UPK2: variants seen among roughly 807,000 people sequenced by gnomAD.
The protein encoded by UPK2 is uroplakin 2.
A neutral mutation model predicts 14.8 loss-of-function variants in UPK2; 19 were observed. That is an observed-to-expected ratio of 1.29 (90% CI 0.90 to 1.89). UPK2 has a LOEUF of 1.89. Ranked by LOEUF, UPK2 falls within the 40% of genes most tolerant of loss-of-function variation. UPK2 has a pLI of 0.00. For missense variants in UPK2, 232 were observed against 236.0 expected (o/e 0.98, Z 0.11); for synonymous variants, 102 against 101.6 (o/e 1.00, Z -0.02).
intron 2 of UPK2, 59 bp downstream of exon 2, chr11:118,957,073 C>T: frequency 1.9e-6 from 3 of 1,608,874 alleles, no homozygotes; most frequent in South Asian, 1.1e-5. Context: ...CCTGCGACAC[C>T]CTCTGCACCC....
At chr11:118,957,174 G>T in intron 2 of UPK2, 34 bp from the exon 3 acceptor site, 2 of 1,613,648 alleles carry the variant, frequency 1.2e-6, no homozygotes, top group South Asian at 2.2e-5. Flanking sequence ...CCAGAAACTT[G>T]ACCCAGTCTT....
chr11:118,956,417 G>A lies in UPK2; in HGVS notation c.67G>A (p.Gly23Arg). Residue 23 changes from glycine (G) to arginine (R), a missense_variant, in exon 1 of 5, where the codon GGG becomes AGG. Coordinates refer to ENST00000264031, the MANE Select transcript of UPK2 (RefSeq NM_006760.4). The surrounding 1 kb of genome is among the most constrained non-coding windows in gnomAD (Gnocchi z 4.1). ...GATTCTGCTGGCTCTGCTGTCCCCAGGGGCTGCAGGTCTCTTCCATCTCTG... is the reference window on the plus strand; with the variant it reads ...GATTCTGCTGGCTCTGCTGTCCCCAAGGGCTGCAGGTCTCTTCCATCTCTG... The part of the protein sequence containing the change: ...ILILLALLSP[G>R]AADFNISSLS... 2.5e-6 allele frequency: 4 copies of A among 1,608,612 alleles called. No homozygotes were observed. Among genetic ancestry groups the A allele is most frequent in the Non-Finnish European group, 3.4e-6 (4 of 1,179,928 alleles).
intron 4 of UPK2, 67 bp downstream of exon 4, chr11:118,957,735 C>G: frequency 1.9e-6 from 3 of 1,587,736 alleles, no homozygotes; most frequent in Non-Finnish European, 2.6e-6. Context: ...CCATTCCTGC[C>G]TCATCCCCAG....
chr11:118,957,988 G>C, intron 4 of UPK2, 109 bp from the exon 5 acceptor site: 1 of 1,479,960 alleles, frequency 6.8e-7, no homozygotes. Context: ...TGGCTGGCTG[G>C]CTGGCTGGTT....
Position 118,957,314 on chromosome 11 carries a change from G to A in UPK2, c.315G>A (p.Gln105=). 6.2e-7 allele frequency: 1 copy of A among 1,614,116 alleles called. No individual in the cohort carries two copies. The highest frequency in any genetic ancestry group is 8.5e-7 in the Non-Finnish European group (1 of 1,180,026). ...GFTVTRLSAY[Q]VTNLVPGTKF... is the part of the protein sequence containing the mutation. ...CAGTCACTCGGCTCAGTGCATACCAGGTGACAAACCTCGTGCCAGGAACCA... is the reference window on the plus strand; with the variant it reads ...CAGTCACTCGGCTCAGTGCATACCAAGTGACAAACCTCGTGCCAGGAACCA... The change falls in exon 3 of 5, where the codon CAG becomes CAA. Residue 105 remains glutamine, a synonymous_variant. Coordinates refer to ENST00000264031, the MANE Select transcript of UPK2 (RefSeq NM_006760.4).
At position 118,956,877 on chromosome 11, in the gene UPK2, C is replaced by T; in HGVS notation, c.77-6C>T. ...CCCATCGGAGCTCCCTCCTGCCTCC[C>T]ATCAGACTTCAACATCTCAAGCCTC... On this transcript the variant is annotated splice_region_variant and splice_polypyrimidine_tract_variant and intron_variant, in intron 1 of 4. Coordinates refer to ENST00000264031, the MANE Select transcript of UPK2 (RefSeq NM_006760.4). This position sits in a 1 kb window ranked among gnomAD's most constrained non-coding sequence, Gnocchi z 4.1. The T allele has an allele frequency of 6.2e-7, 1 of 1,613,930 alleles. No homozygotes were observed. Among genetic ancestry groups the T allele is most frequent in the Non-Finnish European group, 8.5e-7 (1 of 1,179,944 alleles).
Position 118,958,025 on chromosome 11 carries a change from G to A in UPK2, c.419-72G>A. ...GTTGGGCAGTCTGTTGGCTGGATGA[G>A]TGTGAGGCCGTGAGCCTCAGGCAGG... On this transcript the variant is annotated intron_variant, in intron 4 of 4. Transcript: ENST00000264031. This position sits in a 1 kb window ranked among gnomAD's most constrained non-coding sequence, Gnocchi z 4.6. 1.3e-6 allele frequency: 2 copies of A among 1,548,266 alleles called. No homozygotes were observed. The highest frequency in any genetic ancestry group is 8.7e-7 in the Non-Finnish European group (1 of 1,143,478).
Position 118,957,220 on chromosome 11 carries a change from G to C in UPK2, c.221G>C (p.Ser74Thr), listed in dbSNP as rs768070057. 6.2e-7 allele frequency: 1 copy of C among 1,614,134 alleles called. No individual in the cohort carries two copies. Among genetic ancestry groups the C allele is most frequent in the South Asian group, 1.1e-5 (1 of 91,086 alleles). ...RANDSKVVTSSFVVPPCRGRR... is the reference protein window; with the variant it reads ...RANDSKVVTSTFVVPPCRGRR... ...CACTTCTGCCCAGTGGTGACGTCCA[G>C]CTTTGTGGTGCCTCCGTGCCGTGGG... Residue 74 changes from serine (S) to threonine (T), a missense_variant, in exon 3 of 5, where the codon AGC (serine) becomes ACC (threonine). Coordinates refer to ENST00000264031, the MANE Select transcript of UPK2 (RefSeq NM_006760.4).
Position 118,956,490 on chromosome 11 carries a change from T to A in UPK2, c.76+64T>A, listed in dbSNP as rs1028422344. 1 of 1,402,546 alleles carries A rather than the reference T, an allele frequency of 7.1e-7. No individual in the cohort carries two copies. Among genetic ancestry groups the A allele is most frequent in the Non-Finnish European group, 9.9e-7 (1 of 1,013,582 alleles). The allele number at this position is 1,402,546 out of a possible 1,614,324, so 86.9% of individuals were successfully genotyped here. A position where few individuals can be genotyped will look rare whatever the true frequency, so the allele number is the denominator to read the frequency against. On this transcript the variant is annotated intron_variant, in intron 1 of 4. Transcript: ENST00000264031. This position sits in a 1 kb window ranked among gnomAD's most constrained non-coding sequence, Gnocchi z 4.1. ...GGGCCTGGACAGGGAGCACTGTACCTTCCAGGGCTCTCAAAGAGAGGTCTG... is the reference window on the plus strand; with the variant it reads ...GGGCCTGGACAGGGAGCACTGTACCATCCAGGGCTCTCAAAGAGAGGTCTG...
At chr11:118,957,954 T>G in intron 4 of UPK2, 143 bp from the exon 5 acceptor site, 1 of 1,164,576 alleles carries the variant, frequency 8.6e-7, no homozygotes, top group Middle Eastern at 2.2e-4. Flanking sequence ...GCTGGTTGGT[T>G]GGTTGGTTGG....
At chr11:118,957,453 C>A in intron 3 of UPK2, 107 bp downstream of exon 3, 1 of 1,549,448 alleles carries the variant, frequency 6.5e-7, no homozygotes, top group Non-Finnish European at 8.8e-7. Flanking sequence ...GAGGGCACAG[C>A]AAAAGGGGGT....
chr11:118,958,290 C>A lies in UPK2; in HGVS notation c.*57C>A. The A allele has an allele frequency of 6.5e-7, 1 of 1,541,036 alleles. No homozygotes were observed. Among genetic ancestry groups the A allele is most frequent in the African/African-American group, 1.4e-5 (1 of 73,642 alleles). ...GAAGCCCAGGGCACCATCCAGCTCC[C>A]CAGCCCACCTGCTCCCAGGCCCCAG... On this transcript the variant is annotated 3_prime_UTR_variant, in exon 5 of 5. Transcript: ENST00000264031. This position sits in a 1 kb window ranked among gnomAD's most constrained non-coding sequence, Gnocchi z 4.6.
Position 118,958,196 on chromosome 11 carries a change from G to T in UPK2, c.518G>T (p.Gly173Val). Residue 173 changes from glycine (G) to valine (V), a missense_variant, in exon 5 of 5, where the codon GGC (glycine) becomes GTC (valine). Coordinates refer to ENST00000264031, the MANE Select transcript of UPK2 (RefSeq NM_006760.4). This position sits in a 1 kb window ranked among gnomAD's most constrained non-coding sequence, Gnocchi z 4.6. ...LSVAMFLLVLGFIIALALGSR... is the reference protein window; with the variant it reads ...LSVAMFLLVLVFIIALALGSR... The stretch of plus-strand genomic sequence containing the variant: ...GTCGCCATGTTCCTGCTGGTGCTGG[G>T]CTTCATCATTGCCCTGGCACTGGGC... 6.2e-7 allele frequency: 1 copy of T among 1,613,936 alleles called. No individual in the cohort carries two copies. Among genetic ancestry groups the T allele is most frequent in the Non-Finnish European group, 8.5e-7 (1 of 1,179,948 alleles).
At position 118,958,190 on chromosome 11, in the gene UPK2, T is replaced by C. The variant is rs758030254; in HGVS notation, c.512T>C (p.Val171Ala). 3.1e-6 allele frequency: 5 copies of C among 1,613,966 alleles called. No homozygotes were observed. The South Asian group carries it at 4.4e-5, about 14-fold the overall frequency. ...CTCTCTGTCGCCATGTTCCTGCTGG[T>C]GCTGGGCTTCATCATTGCCCTGGCA... ...VLLSVAMFLL[V>A]LGFIIALALG... The change falls in exon 5 of 5, where the codon GTG becomes GCG. Residue 171 changes from valine to alanine, a missense_variant. Val to Ala is a moderately conservative substitution (Grantham distance 64). Coordinates refer to ENST00000264031, the MANE Select transcript of UPK2 (RefSeq NM_006760.4). This position sits in a 1 kb window ranked among gnomAD's most constrained non-coding sequence, Gnocchi z 4.6.
Position 118,956,403 on chromosome 11 carries a change from C to G in UPK2, c.53C>G (p.Ala18Gly). Residue 18 changes from alanine (A) to glycine (G), a missense_variant, in exon 1 of 5, where the codon GCT becomes GGT. Coordinates refer to ENST00000264031, the MANE Select transcript of UPK2 (RefSeq NM_006760.4). The surrounding 1 kb of genome is among the most constrained non-coding windows in gnomAD (Gnocchi z 4.1). Reference protein sequence around the residue: ...RTLPLILILLALLSPGAADFN... With the variant: ...RTLPLILILLGLLSPGAADFN... ...TTGCCCTTGATCCTGATTCTGCTGG[C>G]TCTGCTGTCCCCAGGGGCTGCAGGT... The G allele has an allele frequency of 1.2e-6, 2 of 1,610,174 alleles. No individual in the cohort carries two copies. The highest frequency in any genetic ancestry group is 1.7e-6 in the Non-Finnish European group (2 of 1,179,964).
At position 118,956,519 on chromosome 11, in the gene UPK2, A is replaced by G; in HGVS notation, c.76+93A>G. ...AGGGCTCTCAAAGAGAGGTCTGGAC[A>G]GTTGGGAGTCAGGGCTGGTGATGGC... On this transcript the variant is annotated intron_variant, in intron 1 of 4. Coordinates refer to ENST00000264031, the MANE Select transcript of UPK2 (RefSeq NM_006760.4). The surrounding 1 kb of genome is among the most constrained non-coding windows in gnomAD (Gnocchi z 4.1). 8.7e-7 allele frequency: 1 copy of G among 1,144,808 alleles called. No homozygotes were observed. Among genetic ancestry groups the G allele is most frequent in the East Asian group, 2.5e-5 (1 of 39,572 alleles). The allele number at this position is 1,144,808 out of a possible 1,614,324, so 70.9% of individuals were successfully genotyped here.
chr11:118,958,118 G>A lies in UPK2; in HGVS notation c.440G>A (p.Gly147Glu). The A allele has an allele frequency of 1.2e-6, 2 of 1,613,644 alleles. No homozygotes were observed. The highest frequency in any genetic ancestry group is 1.7e-6 in the Non-Finnish European group (2 of 1,179,674). ...ACAGGAAGGAACATGGAATCCATTGGGCTGGGTATGGCCCGCACAGGGGGC... is the reference window on the plus strand; with the variant it reads ...ACAGGAAGGAACATGGAATCCATTGAGCTGGGTATGGCCCGCACAGGGGGC... ...TLPRRNMESI[G>E]LGMARTGGMV... Residue 147 changes from glycine to glutamate, a missense_variant, in exon 5 of 5, where the codon GGG becomes GAG. Physicochemically the swap from Gly to Glu is moderately conservative, Grantham distance 98 (BLOSUM62 -2). Transcript: ENST00000264031. The surrounding 1 kb of genome is among the most constrained non-coding windows in gnomAD (Gnocchi z 4.6).
intron 4 of UPK2, 93 bp downstream of exon 4, chr11:118,957,761 C>T (rs1941576368): frequency 1.3e-6 from 2 of 1,490,178 alleles, no homozygotes; most frequent in Non-Finnish European, 1.9e-6. Context: ...GTTGCCTGTG[C>T]CTCCCCGTGC....
At position 118,956,306 on chromosome 11, in the gene UPK2, C is replaced by T. The variant is rs1440259110; in HGVS notation, c.-45C>T. The T allele has an allele frequency of 1.9e-6, 3 of 1,580,786 alleles. No individual in the cohort carries two copies. In the African/African-American group the frequency reaches 4.0e-5, roughly 21 times the overall value. ...CCCAGGGGCAGGGCCTCACTTGCCTCAGGAACCCCAGCCTGCCAGCACCTA... is the reference window on the plus strand; with the variant it reads ...CCCAGGGGCAGGGCCTCACTTGCCTTAGGAACCCCAGCCTGCCAGCACCTA... On this transcript the variant is annotated 5_prime_UTR_variant, in exon 1 of 5. Coordinates refer to ENST00000264031, the MANE Select transcript of UPK2 (RefSeq NM_006760.4). The surrounding 1 kb of genome is among the most constrained non-coding windows in gnomAD (Gnocchi z 4.1).
Sources: allele counts gnomAD v4.1 joint callset, GRCh38; gene constraint gnomAD v4.1.1; non-coding constraint Gnocchi (gnomAD v3.1); transcripts MANE v1.5; gene names NCBI Gene and HGNC (gene_info 2026-07-23, HGNC 2026-07-21).